Variants in DLGAP2 observed in about 807,000 individuals in gnomAD.
DLGAP2 encodes DLG associated protein 2, also known as disks large-associated protein 2.
Under a neutral mutation model 100.3 loss-of-function variants are expected in DLGAP2, and 26 were observed. The ratio of observed to expected loss-of-function variants is 0.26; its 90% CI spans 0.19 to 0.36. The LOEUF (loss-of-function observed/expected upper bound fraction) is 0.36, where lower values mean the gene tolerates loss of function less well. Among genes scored for constraint, DLGAP2 ranks in the 10% least tolerant of loss-of-function variants. DLGAP2 has a pLI of 1.00. For synonymous variants in DLGAP2, 886 were observed against 630.1 expected, an observed-to-expected ratio of 1.41 and a Z score of -6.08; for missense variants, 1,858 against 1,453.2, an observed-to-expected ratio of 1.28 and a Z score of -4.53.
intron 2 of DLGAP2, among the ~76,000 whole-genome samples, chr8:1,075,625 G>C (rs1221434703): frequency 1.3e-5 from 2 of 152,202 alleles, no homozygotes; most frequent in East Asian, 3.9e-4. Flanking sequence ...GTCTTTGTAT[G>C]TGACGTCCTT....
intron 3 of DLGAP2, chr8:1,301,673 C>G (rs985132506): frequency 1.3e-5 from 2 of 152,176 alleles, no homozygotes; most frequent in African/African-American, 2.4e-5. Context: ...TACAAATAAA[C>G]AAGTTGGAGA....
At chr8:1,532,426 G>C (rs767890852) in intron 4 of DLGAP2, among the ~76,000 whole-genome samples, 1 of 152,160 alleles carries the variant, frequency 6.6e-6, no homozygotes, top group African/African-American at 2.4e-5. Context: ...AGCAATACGA[G>C]ATTGGTTTTC....
intron 4 of DLGAP2, among the ~76,000 whole-genome samples, chr8:1,542,242 G>C (rs1267253706): frequency 6.6e-6 from 1 of 152,170 alleles, no homozygotes; most frequent in Non-Finnish European, 1.5e-5. Flanking sequence ...TTTTATTCGA[G>C]CTTTATGGGG....
intron 2 of DLGAP2, among the ~76,000 whole-genome samples, chr8:1,201,604 A>G (rs1797875642): frequency 6.6e-6 from 1 of 152,164 alleles, no homozygotes; most frequent in Admixed American, 6.5e-5. Context: ...GCAGGGGTAG[A>G]CACAGGTGCA....
intron 3 of DLGAP2, among the ~76,000 whole-genome samples, chr8:1,426,939 G>A (rs188111527): frequency 1.2e-4 from 19 of 152,234 alleles, no homozygotes; most frequent in African/African-American, 4.1e-4. Flanking sequence ...AGAAACAGCA[G>A]TGAACAGAGA....
chr8:1,170,239 G>A (rs949250003), intron 2 of DLGAP2, among the ~76,000 whole-genome samples: 56 of 152,322 alleles, frequency 3.7e-4, no homozygotes, highest in African/African-American at 1.3e-3. Flanking sequence ...AAGCCCACTT[G>A]TTCATGCTGG....
rs1473926752 is a variant in DLGAP2 at position 1,240,761 on chromosome 8, G to A, written c.74-18090G>A. 2.1e-4 allele frequency among the ~76,000 whole-genome samples: 15 copies of A among 70,756 alleles called. 2 individuals carry two copies. The highest frequency in any genetic ancestry group is 8.6e-4 in the East Asian group (2 of 2,322). 46.4% of individuals were successfully genotyped at this position (70,756 alleles called of 152,430 possible). A position where few individuals can be genotyped will look rare whatever the true frequency, so the allele number is the denominator to read the frequency against. On this transcript the variant is annotated intron_variant, in intron 2 of 14. Coordinates refer to ENST00000637795, the MANE Select transcript of DLGAP2 (RefSeq NM_001346810.2). ...GTGTCTGGTTCTCTCGCATGGCGCC[G>A]TGTCTAGTTGTCTCACATGGTGCCG...
chr8:1,308,570 G>C (rs11784975), intron 3 of DLGAP2, among the ~76,000 whole-genome samples: 1 of 152,188 alleles, frequency 6.6e-6, no homozygotes, highest in African/African-American at 2.4e-5. Context: ...TTGTTGCCCA[G>C]GCTGGAGTGC....
intron 1 of DLGAP2, among the ~76,000 whole-genome samples, chr8:809,259 C>T (rs1375307917): frequency 1.3e-5 from 2 of 152,154 alleles, no homozygotes; most frequent in African/African-American, 4.8e-5. Context: ...CGTGGGCACA[C>T]TTCGATGATT....
intron 3 of DLGAP2, among the ~76,000 whole-genome samples, chr8:1,495,122 C>G (rs1306054146): frequency 6.6e-6 from 1 of 152,206 alleles, no homozygotes; most frequent in Non-Finnish European, 1.5e-5. Flanking sequence ...CCTTCCCTGC[C>G]AAGATCAGAC....
intron 4 of DLGAP2, among the ~76,000 whole-genome samples, chr8:1,513,565 C>T (rs558684832): frequency 6.6e-6 from 1 of 152,340 alleles, no homozygotes; most frequent in South Asian, 2.1e-4. Flanking sequence ...CTCCCAGAGA[C>T]AATACTGCCT....
intron 2 of DLGAP2, among the ~76,000 whole-genome samples, chr8:948,341 G>A (rs574921225): frequency 1.3e-5 from 2 of 152,208 alleles, no homozygotes; most frequent in African/African-American, 4.8e-5. Flanking sequence ...TGAGGTCCGT[G>A]CAGAGGAAGG....
intron 4 of DLGAP2, 144 bp downstream of exon 4, chr8:1,501,575 C>T: frequency 1.3e-6 from 1 of 799,260 alleles, no homozygotes; most frequent in East Asian, 2.7e-5. Context: ...TACAATGCGG[C>T]ACTTTTTTCC....
intron 2 of DLGAP2, among the ~76,000 whole-genome samples, chr8:1,170,228 G>A (rs990769927): frequency 3.3e-5 from 5 of 152,202 alleles, no homozygotes; most frequent in African/African-American, 9.7e-5. Flanking sequence ...TCCCAGGGAT[G>A]AAGCCCACTT....
chr8:1,381,427 G>C (rs964314658), intron 3 of DLGAP2: 2 of 152,234 alleles, frequency 1.3e-5, no homozygotes, highest in African/African-American at 2.4e-5. Context: ...CAAGGAGTAC[G>C]ACATGATGAT....
chr8:1,426,150 A>G (rs997092531), intron 3 of DLGAP2, among the ~76,000 whole-genome samples: 1 of 152,202 alleles, frequency 6.6e-6, no homozygotes, highest in Non-Finnish European at 1.5e-5. Context: ...ACTCACCTCA[A>G]GGCCACACAT....
intron 2 of DLGAP2, among the ~76,000 whole-genome samples, chr8:968,165 TG>T (rs1799926818): frequency 1.3e-5 from 2 of 152,042 alleles, no homozygotes; most frequent in Non-Finnish European, 2.9e-5. Flanking sequence ...CTGTTTATGT[TG>T]TAACTTGGGA....
intron 3 of DLGAP2, among the ~76,000 whole-genome samples, chr8:1,452,564 G>A (rs1798192995): frequency 6.6e-6 from 1 of 152,224 alleles, no homozygotes; most frequent in South Asian, 2.1e-4. Context: ...CAGTGGCCCG[G>A]CTTAAATTGC....
intron 1 of DLGAP2, among the ~76,000 whole-genome samples, chr8:751,923 G>T (rs1448420101): frequency 6.6e-6 from 1 of 150,458 alleles, no homozygotes; most frequent in Non-Finnish European, 1.5e-5. Flanking sequence ...CTTATAGGAA[G>T]TTCATCTGAC....
Sources: allele counts gnomAD v4.1 joint callset (sites outside exome capture counted in the v4.1 genomes callset), GRCh38; gene constraint gnomAD v4.1.1; transcripts MANE v1.5; gene names NCBI Gene and HGNC (gene_info 2026-07-23, HGNC 2026-07-21).